The following RASA2 variants were observed in gnomAD, a reference collection of about 807,000 sequenced individuals.
RASA2 encodes ras GTPase-activating protein 2.
A neutral mutation model predicts 118.2 loss-of-function variants in RASA2; 155 were observed. The ratio of observed to expected loss-of-function variants is 1.31; its 90% CI spans 1.15 to 1.50. The LOEUF is 1.50. RASA2 is among the 40% of genes most tolerant of loss of function. The pLI is 0.00. For synonymous variants in RASA2, 353 were observed against 349.1 expected (o/e 1.01, Z -0.12); for missense variants, 1,016 against 1,009.6 (o/e 1.01, Z -0.09).
In RASA2 at chr3:141,559,966, A is replaced by G; in HGVS notation, c.834A>G (p.Val278=). 1 of 1,613,238 alleles carries G rather than the reference A, an allele frequency of 6.2e-7. No individual in the cohort carries two copies. The highest frequency in any genetic ancestry group is 8.5e-7 in the Non-Finnish European group (1 of 1,179,362). ...FLGEIKVPVN[V]LRTDSSHQAW... is the part of the protein sequence containing the mutation. Reference sequence around the variant, plus strand: ...GTGAGATTAAGGTTCCTGTGAACGTATTAAGAACTGATTCCTCTCATCAAG... The same window carrying G: ...GTGAGATTAAGGTTCCTGTGAACGTGTTAAGAACTGATTCCTCTCATCAAG... Residue 278 remains valine, a synonymous_variant, in exon 9 of 24, where the codon GTA becomes GTG. Transcript: ENST00000286364.
chr3:141,535,535 A>C (rs1170767317), intron 4 of RASA2, among the ~76,000 whole-genome samples: 1 of 152,206 alleles, frequency 6.6e-6, no homozygotes, highest in Non-Finnish European at 1.5e-5. Flanking sequence ...ATAAAGGAAC[A>C]TCTAAGGCTG....
intron 1 of RASA2, among the ~76,000 whole-genome samples, chr3:141,494,568 CA>C (rs2081677543): frequency 6.6e-6 from 1 of 152,148 alleles, no homozygotes; most frequent in Admixed American, 6.6e-5. Context: ...GGGGTTTCAC[CA>C]TGTTGGCCAG....
chr3:141,613,993 C>T lies in RASA2; in HGVS notation c.*1680C>T, dbSNP rs2083690103. On this transcript the variant is annotated 3_prime_UTR_variant, in exon 24 of 24. Transcript: ENST00000286364. ...GATTTATACATTTGAAAGAATTTAG[C>T]CATTTAATAAATTTCTTATTCTCAA... 6.6e-6 allele frequency: 1 copy of T among 152,226 alleles called. No individual in the cohort carries two copies. Among genetic ancestry groups the T allele is most frequent in the South Asian group, 2.1e-4 (1 of 4,816 alleles). The allele number at this position is 152,226 out of a possible 1,614,324, so 9.4% of individuals were successfully genotyped here.
intron 9 of RASA2, among the ~76,000 whole-genome samples, chr3:141,562,766 G>A (rs536152568): frequency 7.9e-5 from 12 of 151,624 alleles, no homozygotes; most frequent in African/African-American, 1.5e-4. Context: ...TCCACCTCCC[G>A]AGTTTAAGCC....
chr3:141,509,154 T>G (rs2081912605), intron 1 of RASA2, among the ~76,000 whole-genome samples: 1 of 152,220 alleles, frequency 6.6e-6, no homozygotes, highest in Non-Finnish European at 1.5e-5. Context: ...GGGCATTGAT[T>G]AGATGAATTA....
At chr3:141,491,040 C>A (rs2081634384) in intron 1 of RASA2, among the ~76,000 whole-genome samples, 1 of 152,198 alleles carries the variant, frequency 6.6e-6, no homozygotes, top group Admixed American at 6.5e-5. Context: ...ACTGGAGTTT[C>A]CAGGTGTACA....
intron 1 of RASA2, among the ~76,000 whole-genome samples, chr3:141,491,396 A>G (rs2081638351): frequency 6.6e-6 from 1 of 152,176 alleles, no homozygotes; most frequent in African/African-American, 2.4e-5. Flanking sequence ...ATTATAGCAC[A>G]TTTCATAGAA....
In RASA2 at chr3:141,586,655, TA is replaced by T. The variant is rs775394142; in HGVS notation, c.1840del (p.Arg614GlufsTer20). 1 of 1,608,626 alleles carries T rather than the reference TA, an allele frequency of 6.2e-7. No individual in the cohort carries two copies. The highest frequency in any genetic ancestry group is 8.5e-7 in the Non-Finnish European group (1 of 1,175,510). On this transcript the variant is annotated frameshift_variant, in exon 19 of 24. Transcript: ENST00000286364. LOFTEE classifies it high-confidence loss of function. ...PVHLKEGEMY[K>X]RAQGRTRIGK... ...TCTGTTATGTTGGCAGTGAGATGTA[TA>T]AAAGAGCTCAAGGAAGAACTCGGAT...
intron 14 of RASA2, 99 bp downstream of exon 14, chr3:141,574,166 A>T: frequency 4.1e-6 from 3 of 727,594 alleles, no homozygotes; most frequent in Non-Finnish European, 5.6e-6. Flanking sequence ...TAAGGTTTTT[A>T]TTTATTTATT....
At chr3:141,585,844 T>G (rs1210216769) in intron 17 of RASA2, among the ~76,000 whole-genome samples, 181 bp from the exon 18 acceptor site, 1 of 152,190 alleles carries the variant, frequency 6.6e-6, no homozygotes, top group Non-Finnish European at 1.5e-5. Flanking sequence ...ATAATACTTG[T>G]CATTTGTAAA....
chr3:141,543,551 G>T (rs1327808387), intron 5 of RASA2, among the ~76,000 whole-genome samples: 1 of 151,994 alleles, frequency 6.6e-6, no homozygotes, highest in Non-Finnish European at 1.5e-5. Flanking sequence ...GTGATTAAGT[G>T]TATAGAGTTT....
rs117737770 is a variant in RASA2, at chr3:141,524,264, C to T, written c.356-5444C>T. Among the ~76,000 whole-genome samples, 219 of 152,206 alleles carry T rather than the reference C, an allele frequency of 1.4e-3. 7 individuals are homozygous for T. The East Asian group carries it at 0.025, about 17-fold the overall frequency. ...AGCTGGACCTTCCTCACCACATGGTCTCCTGATTGGTTCTAAGAAGGCAAG... is the reference window on the plus strand; with the variant it reads ...AGCTGGACCTTCCTCACCACATGGTTTCCTGATTGGTTCTAAGAAGGCAAG... On this transcript the variant is annotated intron_variant, in intron 3 of 23. Coordinates refer to ENST00000286364, the MANE Select transcript of RASA2 (RefSeq NM_006506.5).
Position 141,516,366 on chromosome 3 carries a change from G to T in RASA2, c.290G>T (p.Arg97Ile). ...GAAGAATTTTACTTTGAGATTCCAA[G>T]AACTTTCCAGTATTTGTCTTTCTAT... is the stretch of plus-strand genomic sequence containing the variant. ...FSEEFYFEIP[R>I]TFQYLSFYVY... is the part of the protein sequence containing the mutation. Residue 97 changes from arginine (R) to isoleucine (I), a missense_variant, in exon 3 of 24, where the codon AGA becomes ATA. Coordinates refer to ENST00000286364, the MANE Select transcript of RASA2 (RefSeq NM_006506.5). The T allele has an allele frequency of 6.4e-7, 1 of 1,568,200 alleles. No homozygotes were observed. The highest frequency in any genetic ancestry group is 1.2e-5 in the South Asian group (1 of 82,426).
chr3:141,550,193 CT>C (rs1407957715), intron 5 of RASA2, among the ~76,000 whole-genome samples: 1 of 152,148 alleles, frequency 6.6e-6, no homozygotes, highest in Non-Finnish European at 1.5e-5. Context: ...GACAAGATGT[CT>C]GATAGATGCC....
chr3:141,544,690 C>T (rs554037311), intron 5 of RASA2, among the ~76,000 whole-genome samples: 1 of 152,136 alleles, frequency 6.6e-6, no homozygotes, highest in South Asian at 2.1e-4. Context: ...CAAACATATT[C>T]ATAATTGTTC....
At chr3:141,546,701 C>T (rs925573073) in intron 5 of RASA2, among the ~76,000 whole-genome samples, 2 of 152,090 alleles carry the variant, frequency 1.3e-5, no homozygotes, top group African/African-American at 4.8e-5. Flanking sequence ...GGTGTGATCC[C>T]ATTTGTCTAT....
chr3:141,601,399 C>T (rs538037648), intron 19 of RASA2, among the ~76,000 whole-genome samples: 10 of 151,724 alleles, frequency 6.6e-5, no homozygotes, highest in Admixed American at 2.0e-4. Flanking sequence ...GGCATCACTG[C>T]GCTCCAGCCT....
At chr3:141,510,930 A>G (rs958509809) in intron 1 of RASA2, among the ~76,000 whole-genome samples, 22 of 152,316 alleles carry the variant, frequency 1.4e-4, no homozygotes, top group African/African-American at 5.3e-4. Flanking sequence ...ATATGTTTCA[A>G]ATATCACACT....
In RASA2 at chr3:141,487,178, G is replaced by A. The variant is rs1292165947; in HGVS notation, c.95G>A (p.Arg32His). The A allele has an allele frequency of 6.8e-7, 1 of 1,466,252 alleles. No individual in the cohort carries two copies. 90.8% of individuals were successfully genotyped at this position (1,466,252 alleles called of 1,614,324 possible). Residue 32 changes from arginine to histidine, a missense_variant, in exon 1 of 24, where the codon CGC (arginine) becomes CAC (histidine). This residue lies in a region of RASA2 where 896 missense variants were observed against 836.4 expected (regional missense o/e 1.07). Coordinates refer to ENST00000286364, the MANE Select transcript of RASA2 (RefSeq NM_006506.5). Reference protein sequence around the residue: ...AEPEAGDQDSREVRVLQSLRG... With the variant: ...AEPEAGDQDSHEVRVLQSLRG... ...CCCGAGGCCGGGGACCAGGACAGTC[G>A]CGAGGTTCGAGTGTTGCAGAGCCTG...
Sources: gnomAD v4.1 joint callset for allele counts (sites outside exome capture counted in the v4.1 genomes callset) on GRCh38, gnomAD v4.1.1 for gene constraint, gnomAD v4.1.1 regional missense constraint, MANE v1.5 for transcripts, NCBI Gene and HGNC (gene_info 2026-07-23, HGNC 2026-07-21) for gene names.